The following PDXDC1 variants were observed in gnomAD, a reference collection of about 807,000 sequenced individuals.
The protein encoded by PDXDC1 is pyridoxal dependent decarboxylase domain containing 1, also known as pyridoxal-dependent decarboxylase domain-containing protein 1.
PDXDC1 carries 42 observed loss-of-function variants against 100.1 expected under a neutral mutation model. That is an observed-to-expected ratio of 0.42 (90% CI 0.33 to 0.54). The LOEUF is 0.54. Ranked by LOEUF, PDXDC1 falls within the 20% of genes least tolerant of loss-of-function variation. The pLI is 0.10. For missense variants in PDXDC1, 636 were observed against 979.2 expected (o/e 0.65, Z 4.68); for synonymous variants, 260 against 371.7 (o/e 0.70, Z 3.46).
rs1419316146 is a variant in PDXDC1 at position 15,080,007 on chromosome 16, G to A, written c.1399+49951G>A. On this transcript the variant is annotated intron_variant, in intron 16 of 16. Transcript: ENST00000535621. ...ATTACTCAATACTTACATCCAACTTGAGTAGTTTTTCAATAATAAGCTCCA... is the reference window on the plus strand; with the variant it reads ...ATTACTCAATACTTACATCCAACTTAAGTAGTTTTTCAATAATAAGCTCCA... 3 of 1,594,724 alleles carry A rather than the reference G, an allele frequency of 1.9e-6. No individual in the cohort carries two copies. The African/African-American group carries it at 4.0e-5, about 21-fold the overall frequency.
At chr16:15,066,395 G>A (rs1398087228) in intron 16 of PDXDC1, among the ~76,000 whole-genome samples, 1 of 152,164 alleles carries the variant, frequency 6.6e-6, no homozygotes, top group Admixed American at 6.5e-5. Flanking sequence ...CACTTTGGGA[G>A]GTTGAGGCAG....
intron 16 of PDXDC1, chr16:15,125,461 C>T (rs1266786251): frequency 1.7e-5 from 15 of 897,754 alleles, no homozygotes; most frequent in Non-Finnish European, 2.1e-5. Context: ...GAGCCACAGA[C>T]ACCCAGCAAG....
At chr16:15,133,344 C>T (rs932777351) in intron 16 of PDXDC1, 72 of 1,195,794 alleles carry the variant, frequency 6.0e-5, no homozygotes, top group Admixed American at 7.3e-5. Flanking sequence ...CCCGGGAGCA[C>T]ACTAGCGGTG....
chr16:15,141,076 CCCCTGCCAGT>C (rs1267128547), downstream of PDXDC1, among the ~76,000 whole-genome samples: 5 of 150,306 alleles, frequency 3.3e-5, no homozygotes, highest in South Asian at 2.1e-4. Flanking sequence ...ACCCGCCCAG[CCCCTGCCAGT>C]CCCTGCCACC....
At chr16:15,063,080 T>C in intron 16 of PDXDC1, 1 of 810,236 alleles carries the variant, frequency 1.2e-6, no homozygotes, top group Non-Finnish European at 2.2e-6. Flanking sequence ...TCCTCTGGCC[T>C]TGACCCCCTA....
intron 1 of PDXDC1, among the ~76,000 whole-genome samples, chr16:14,991,524 C>CTCT (rs1313041416): frequency 7.3e-6 from 1 of 136,066 alleles, no homozygotes; most frequent in African/African-American, 2.7e-5. Flanking sequence ...TGTATTTTGT[C>CTCT]TATTTTTTTT....
Position 15,038,040 on chromosome 16 carries a change from TGGA to T in PDXDC1, c.*1767_*1769del. On this transcript the variant is annotated 3_prime_UTR_variant, in exon 23 of 23. Transcript: ENST00000396410. Reference sequence around the variant, plus strand: ...TGGTAATTCATGTTTTTTAACTTCCTGGAGAAGAGATCTTTTCCCACAAGCCAT... The same window carrying T: ...TGGTAATTCATGTTTTTTAACTTCCTGAAGAGATCTTTTCCCACAAGCCAT... The T allele has an allele frequency of 6.2e-7, 1 of 1,611,328 alleles. No individual in the cohort carries two copies. The highest frequency in any genetic ancestry group is 8.5e-7 in the Non-Finnish European group (1 of 1,178,894).
chr16:15,067,251 C>A (rs1250045324), intron 16 of PDXDC1, among the ~76,000 whole-genome samples: 1 of 151,598 alleles, frequency 6.6e-6, no homozygotes, highest in East Asian at 1.9e-4. Context: ...GCCTAAATAT[C>A]CTCATTGAAT....
chr16:15,141,949 G>A (rs369887363), downstream of PDXDC1, among the ~76,000 whole-genome samples: 13 of 152,156 alleles, frequency 8.5e-5, no homozygotes, highest in Non-Finnish European at 1.6e-4. Context: ...TAGGGAGAAT[G>A]AGGCACCAGG....
chr16:15,097,700 C>G (rs2046405853), intron 16 of PDXDC1, among the ~76,000 whole-genome samples: 2 of 151,600 alleles, frequency 1.3e-5, no homozygotes, highest in Non-Finnish European at 2.9e-5. Flanking sequence ...ATTTAAGAAG[C>G]CGAACATTAA....
At chr16:15,128,589 TAA>T (rs910881365) in intron 16 of PDXDC1, among the ~76,000 whole-genome samples, 6 of 152,116 alleles carry the variant, frequency 3.9e-5, no homozygotes, top group Admixed American at 6.6e-5. Context: ...AGGACATGAT[TAA>T]GTTACATGGA....
chr16:15,127,970 G>A, intron 16 of PDXDC1: 4 of 1,571,206 alleles, frequency 2.5e-6, no homozygotes, highest in South Asian at 2.2e-5. Flanking sequence ...CCACGGAGTG[G>A]GAACATGGAA....
chr16:15,124,160 C>T (rs927651523), intron 16 of PDXDC1, among the ~76,000 whole-genome samples: 25 of 152,130 alleles, frequency 1.6e-4, no homozygotes, highest in Admixed American at 3.3e-4. Flanking sequence ...AGGGCTTGGC[C>T]GCATCATGTG....
At chr16:15,041,054 T>A, downstream of PDXDC1, 2 of 1,579,582 alleles carry the variant, frequency 1.3e-6, no homozygotes, top group East Asian at 2.2e-5. Context: ...CCACAAAAGA[T>A]GCACACTACT....
chr16:15,150,042 C>T, the PDXDC1 span, among the ~76,000 whole-genome samples: 9 of 151,928 alleles, frequency 5.9e-5, no homozygotes, highest in African/African-American at 2.2e-4. Flanking sequence ...AGGGAAGCTC[C>T]TAGACATCAT....
At chr16:15,083,068 G>A (rs1197944819) in intron 16 of PDXDC1, among the ~76,000 whole-genome samples, 1 of 152,190 alleles carries the variant, frequency 6.6e-6, no homozygotes, top group Non-Finnish European at 1.5e-5. Context: ...CAAATTCTTA[G>A]ACGTCAGTTT....
intron 19 of PDXDC1, 46 bp downstream of exon 19, chr16:15,033,445 C>T (rs1269995419): frequency 6.3e-7 from 1 of 1,598,476 alleles, no homozygotes; most frequent in South Asian, 1.1e-5. Context: ...AGTTTTGTCC[C>T]ACCAAACAGC....
chr16:15,067,951 G>A (rs888198364), intron 16 of PDXDC1, among the ~76,000 whole-genome samples: 8 of 151,518 alleles, frequency 5.3e-5, no homozygotes, highest in East Asian at 1.9e-4. Context: ...GTAGAGATAG[G>A]GTCTCACTAT....
chr16:15,086,725 C>G (rs1213302381), intron 16 of PDXDC1, among the ~76,000 whole-genome samples: 2 of 152,134 alleles, frequency 1.3e-5, no homozygotes, highest in African/African-American at 4.8e-5. Context: ...CCTGAAAAAG[C>G]GAAATCACCT....
Sources: allele counts gnomAD v4.1 joint callset (sites outside exome capture counted in the v4.1 genomes callset), GRCh38; gene constraint gnomAD v4.1.1; transcripts MANE v1.5; gene names NCBI Gene and HGNC (gene_info 2026-07-23, HGNC 2026-07-21).